Variants in ERBB4 observed in about 807,000 individuals in gnomAD.
ERBB4 encodes erb-b2 receptor tyrosine kinase 4.
Under a neutral mutation model 158.0 loss-of-function variants are expected in ERBB4, and 42 were observed. That is an observed-to-expected ratio of 0.27 (90% CI 0.21 to 0.34). ERBB4 has a LOEUF of 0.34. Among genes scored for constraint, ERBB4 ranks in the 10% least tolerant of loss-of-function variants. The probability of loss-of-function intolerance (pLI) is 1.00; values close to 1 mark genes in which losing one functional copy is unlikely to be tolerated. For missense variants in ERBB4, 1,333 were observed against 1,624.1 expected, an observed-to-expected ratio of 0.82 and a Z score of 3.08; for synonymous variants, 583 against 558.7, an observed-to-expected ratio of 1.04 and a Z score of -0.61.
At chr2:212,019,758 T>TAA (rs368132533) in intron 2 of ERBB4, among the ~76,000 whole-genome samples, 1,513 of 106,104 alleles carry the variant, frequency 0.014, 19 homozygotes, top group East Asian at 0.058. Context: ...CAACATTCTG[T>TAA]AAAAAAAAAA....
chr2:212,071,157 CTT>C lies in ERBB4; in HGVS notation c.234+53593_234+53594del, dbSNP rs1369494833. 2.0e-5 allele frequency among the ~76,000 whole-genome samples: 3 copies of C among 151,996 alleles called. No homozygotes were observed. The East Asian group carries it at 5.8e-4, about 29-fold the overall frequency. The stretch of plus-strand genomic sequence containing the variant: ...ATATACTTTCTTTGGGAATCTGTAA[CTT>C]TGACTATCATGTTGACCATCTATTG... On this transcript the variant is annotated intron_variant, in intron 2 of 27. Transcript: ENST00000342788.
Position 211,379,050 on chromosome 2 carries a change from T to C in ERBB4, c.*4565A>G. The C allele has an allele frequency of 4.3e-6, 1 of 231,634 alleles. No homozygotes were observed. 14.3% of individuals were successfully genotyped at this position (231,634 alleles called of 1,614,324 possible). ...CTATAACAATCATCATTCTAATAAC[T>C]AAAGTCCAAAAGAATGGCAATGCAA... On this transcript the variant is annotated 3_prime_UTR_variant, in exon 28 of 28. Coordinates refer to ENST00000342788, the MANE Select transcript of ERBB4 (RefSeq NM_005235.3).
Position 211,382,705 on chromosome 2 carries a change from A to G in ERBB4, c.*910T>C, listed in dbSNP as rs1490654126. 2 of 232,558 alleles carry G rather than the reference A, an allele frequency of 8.6e-6. No homozygotes were observed. The highest frequency in any genetic ancestry group is 1.8e-4 in the South Asian group (1 of 5,524). 14.4% of individuals were successfully genotyped at this position (232,558 alleles called of 1,614,324 possible). On this transcript the variant is annotated 3_prime_UTR_variant, in exon 28 of 28. Transcript: ENST00000342788. ...TCTTCAGACAACCAACGGCCTATCA[A>G]GTAGTGTCATTTATGGAGAAAAAAA...
At chr2:212,060,953 G>C (rs537334753) in intron 2 of ERBB4, among the ~76,000 whole-genome samples, 2 of 142,306 alleles carry the variant, frequency 1.4e-5, no homozygotes, top group South Asian at 4.4e-4. Context: ...AAAACTTAAA[G>C]TATGATAATA....
At chr2:212,086,365 A>AG (rs948765988) in intron 2 of ERBB4, among the ~76,000 whole-genome samples, 118 of 151,906 alleles carry the variant, frequency 7.8e-4, no homozygotes, top group African/African-American at 2.6e-3. Flanking sequence ...CACCAAAAAA[A>AG]AAAAAAGAAA....
chr2:211,500,202 G>A (rs1274928594), intron 20 of ERBB4, among the ~76,000 whole-genome samples: 1 of 151,998 alleles, frequency 6.6e-6, no homozygotes, highest in Non-Finnish European at 1.5e-5. Context: ...TCATCATTTT[G>A]TTCTAATTTA....
At chr2:211,442,678 C>T (rs1219710456) in intron 20 of ERBB4, among the ~76,000 whole-genome samples, 1 of 150,444 alleles carries the variant, frequency 6.6e-6, no homozygotes, top group Non-Finnish European at 1.5e-5. Flanking sequence ...TATGTATATA[C>T]CTGTATATAT....
At chr2:212,238,066 C>T (rs1049364022) in intron 1 of ERBB4, among the ~76,000 whole-genome samples, 1 of 152,166 alleles carries the variant, frequency 6.6e-6, no homozygotes, top group African/African-American at 2.4e-5. Context: ...GGGCTTCCGC[C>T]GCCTTTCCAG....
At chr2:212,309,546 T>C (rs909176774) in intron 1 of ERBB4, among the ~76,000 whole-genome samples, 4 of 150,792 alleles carry the variant, frequency 2.7e-5, no homozygotes, top group Non-Finnish European at 6.0e-5. Context: ...GAGTGACTGG[T>C]GAATAGCAGG....
intron 19 of ERBB4, among the ~76,000 whole-genome samples, chr2:211,618,508 C>A (rs1333196999): frequency 6.6e-6 from 1 of 151,832 alleles, no homozygotes; most frequent in Non-Finnish European, 1.5e-5. Context: ...TATAATCCAG[C>A]CTTATAAAAA....
rs1469524984 is a variant in ERBB4 at position 211,905,738 on chromosome 2, G to GTATATA, written c.421+41691_421+41692insTATATA. 7.6e-3 allele frequency among the ~76,000 whole-genome samples: 827 copies of GTATATA among 108,164 alleles called. 2 individuals are homozygous for GTATATA. The highest frequency in any genetic ancestry group is 0.011 in the Non-Finnish European group (561 of 52,522). 71.0% of individuals were successfully genotyped at this position (108,164 alleles called of 152,430 possible). ...TATATGTGTGTGTATGTGTGTGCAT[G>GTATATA]TGTGTGTATATATATATATATATAT... On this transcript the variant is annotated intron_variant, in intron 3 of 27. Coordinates refer to ENST00000342788, the MANE Select transcript of ERBB4 (RefSeq NM_005235.3).
At chr2:212,368,650 A>G (rs1333669488) in intron 1 of ERBB4, among the ~76,000 whole-genome samples, 1 of 152,104 alleles carries the variant, frequency 6.6e-6, no homozygotes, top group African/African-American at 2.4e-5. Context: ...GAGGCTGAGG[A>G]AGTCATTTAA....
chr2:211,779,099 C>T lies in ERBB4; in HGVS notation c.556+8926G>A, dbSNP rs549144141. 18 of 152,252 alleles carry T rather than the reference C, an allele frequency of 1.2e-4. 1 individual carries two copies. In the South Asian group the frequency reaches 3.7e-3, roughly 32 times the overall value. 9.4% of individuals were successfully genotyped at this position (152,252 alleles called of 1,614,324 possible). On this transcript the variant is annotated intron_variant, in intron 4 of 27. Coordinates refer to ENST00000342788, the MANE Select transcript of ERBB4 (RefSeq NM_005235.3). ...TCTTAGGATTTATCATATGGGCTCACCATATATTTACAGTAGGGGTAGATG... is the reference window on the plus strand; with the variant it reads ...TCTTAGGATTTATCATATGGGCTCATCATATATTTACAGTAGGGGTAGATG...
intron 1 of ERBB4, among the ~76,000 whole-genome samples, chr2:212,427,001 T>C (rs1350402612): frequency 6.6e-6 from 1 of 152,168 alleles, no homozygotes; most frequent in Non-Finnish European, 1.5e-5. Context: ...TGCACTTATC[T>C]ACATTACTTA....
intron 1 of ERBB4, among the ~76,000 whole-genome samples, chr2:212,144,369 C>T (rs1490222325): frequency 6.6e-6 from 1 of 152,084 alleles, no homozygotes; most frequent in Non-Finnish European, 1.5e-5. Flanking sequence ...ACACTTGATC[C>T]AAAGTTATTT....
At chr2:212,284,352 G>C (rs988610507) in intron 1 of ERBB4, among the ~76,000 whole-genome samples, 7 of 152,038 alleles carry the variant, frequency 4.6e-5, no homozygotes, top group African/African-American at 1.7e-4. Context: ...TGATAGATCT[G>C]CTGCCCTGTT....
chr2:211,624,930 T>A (rs2069779088), intron 17 of ERBB4, among the ~76,000 whole-genome samples: 1 of 151,812 alleles, frequency 6.6e-6, no homozygotes, highest in African/African-American at 2.4e-5. Context: ...ACCTACATAA[T>A]CACAGGGGGG....
chr2:211,913,069 G>T (rs2125059351), intron 3 of ERBB4, among the ~76,000 whole-genome samples: 1 of 152,174 alleles, frequency 6.6e-6, no homozygotes, highest in Middle Eastern at 3.4e-3. Context: ...TAAGGGGCGT[G>T]GTTGTCATTC....
chr2:211,785,076 A>G lies in ERBB4; in HGVS notation c.556+2949T>C, dbSNP rs540469282. Among the ~76,000 whole-genome samples, 30 of 146,834 alleles carry G rather than the reference A, an allele frequency of 2.0e-4. 1 individual carries two copies. The South Asian group carries it at 6.5e-3, about 32-fold the overall frequency. On this transcript the variant is annotated intron_variant, in intron 4 of 27. Coordinates refer to ENST00000342788, the MANE Select transcript of ERBB4 (RefSeq NM_005235.3). ...GGTTACCTTTCATTCTGTTGATTGT[A>G]CCTTTTGATGCACAGCCTTTTTTTT...
Sources: gnomAD v4.1 joint callset for allele counts (sites outside exome capture counted in the v4.1 genomes callset) on GRCh38, gnomAD v4.1.1 for gene constraint, MANE v1.5 for transcripts, NCBI Gene and HGNC (gene_info 2026-07-23, HGNC 2026-07-21) for gene names.